The following ZNF708 variants were observed in gnomAD, a reference collection of about 807,000 sequenced individuals.
ZNF708 encodes the protein zinc finger protein 708, also known as ZNF15, ZNF15L1.
A neutral mutation model predicts 47.0 loss-of-function variants in ZNF708; 44 were observed. The observed-to-expected ratio is 0.94, with a 90% CI of 0.74 to 1.20. The LOEUF (loss-of-function observed/expected upper bound fraction) is 1.20. Ranked by LOEUF, ZNF708 falls within the 50% of genes most tolerant of loss-of-function variation. The pLI is 0.00. For missense variants in ZNF708, 557 were observed against 656.0 expected, an observed-to-expected ratio of 0.85 and a Z score of 1.65; for synonymous variants, 184 against 218.5, an observed-to-expected ratio of 0.84 and a Z score of 1.39.
Position 21,293,948 on chromosome 19 carries a change from C to A in ZNF708, c.1018G>T (p.Glu340Ter). 6.2e-7 allele frequency: 1 copy of A among 1,613,402 alleles called. No individual in the cohort carries two copies. Among genetic ancestry groups the A allele is most frequent in the Non-Finnish European group, 8.5e-7 (1 of 1,179,842 alleles). The change falls in exon 4 of 4, where the codon GAA (glutamate) becomes TAA (stop). Residue 340 changes from glutamate (E) to a stop codon, truncating the protein, a stop_gained. Transcript: ENST00000356929. LOFTEE classifies it high-confidence loss of function. The stretch of plus-strand genomic sequence containing the variant: ...AATACACTAAAAGCTTTGCCACATT[C>A]TTCACATTTGTAGGGTTTCTCACCA... ...HTGEKPYKCE[E>*]CGKAFSVFST...
rs993910803 is a variant in ZNF708, at chr19:21,329,360, G to A, written c.-148C>T. The A allele has an allele frequency of 1.5e-6, 2 of 1,312,706 alleles. No homozygotes were observed. The allele number at this position is 1,312,706 out of a possible 1,614,324, so 81.3% of individuals were successfully genotyped here. On this transcript the variant is annotated 5_prime_UTR_variant, in exon 1 of 4. Transcript: ENST00000356929. ...GCTCCGGCTGCAGCAAGAGACAAAG[G>A]CCGCGCCAAACCCGGAAGCCGCCCT... is the stretch of plus-strand genomic sequence containing the variant.
chr19:21,329,285 G>A lies in ZNF708; in HGVS notation c.-73C>T, dbSNP rs1314664184. On this transcript the variant is annotated 5_prime_UTR_variant, in exon 1 of 4. Coordinates refer to ENST00000356929, the MANE Select transcript of ZNF708 (RefSeq NM_021269.3). ...TACCTGCAGGTCACAGAGCCACAGAGTCTGGGCCTCTAGGAGCAGAGGACA... is the reference window on the plus strand; with the variant it reads ...TACCTGCAGGTCACAGAGCCACAGAATCTGGGCCTCTAGGAGCAGAGGACA... 6.9e-6 allele frequency: 11 copies of A among 1,597,142 alleles called. No individual in the cohort carries two copies. The highest frequency in any genetic ancestry group is 2.7e-5 in the African/African-American group (2 of 74,490).
chr19:21,319,233 T>C (rs374361580), intron 1 of ZNF708, among the ~76,000 whole-genome samples: 2 of 152,274 alleles, frequency 1.3e-5, no homozygotes, highest in East Asian at 3.9e-4. Context: ...TCTTAATAAA[T>C]AGAAACCAAA....
In ZNF708 at chr19:21,293,248, G is replaced by A. The variant is rs181100343; in HGVS notation, c.*26C>T. On this transcript the variant is annotated 3_prime_UTR_variant, in exon 4 of 4. Transcript: ENST00000356929. ...ATTATCTTGTGTTTTAATAAAAGTT[G>A]AAAATACACTAAAGGATTTGACACA... is the stretch of plus-strand genomic sequence containing the variant. 7.8e-4 allele frequency: 1,233 copies of A among 1,579,168 alleles called. 8 individuals carry two copies. The African/African-American group carries it at 0.016, about 20-fold the overall frequency.
At chr19:21,322,931 A>G (rs1973181878) in intron 1 of ZNF708, among the ~76,000 whole-genome samples, 1 of 152,138 alleles carries the variant, frequency 6.6e-6, no homozygotes, top group Non-Finnish European at 1.5e-5. Flanking sequence ...TACATTTCTG[A>G]GCTACTGTTT....
chr19:21,297,960 AGTGTGT>A (rs66590988), intron 3 of ZNF708, among the ~76,000 whole-genome samples: 4,144 of 149,526 alleles, frequency 0.028, 143 homozygotes, highest in African/African-American at 0.079. Context: ...ACAAATGACT[AGTGTGT>A]GTGTGTGTGT....
intron 3 of ZNF708, among the ~76,000 whole-genome samples, chr19:21,308,810 T>C (rs188459024): frequency 6.6e-6 from 1 of 152,118 alleles, no homozygotes; most frequent in East Asian, 1.9e-4. Flanking sequence ...AAGCCTGTAG[T>C]AATACAAATA....
intron 3 of ZNF708, among the ~76,000 whole-genome samples, chr19:21,299,904 T>A (rs1280451909): frequency 6.6e-6 from 1 of 152,072 alleles, no homozygotes; most frequent in African/African-American, 2.4e-5. Flanking sequence ...ATAATAGAGA[T>A]TCACAAATAA....
At chr19:21,311,950 C>T in intron 1 of ZNF708, among the ~76,000 whole-genome samples, 1 of 152,014 alleles carries the variant, frequency 6.6e-6, no homozygotes, top group East Asian at 1.9e-4. Flanking sequence ...GTATCTGAAC[C>T]CCTCATACTC....
chr19:21,310,758 A>T, intron 1 of ZNF708, 131 bp from the exon 2 acceptor site: 3 of 672,164 alleles, frequency 4.5e-6, no homozygotes, highest in Non-Finnish European at 6.5e-6. Flanking sequence ...TTATCCAATA[A>T]AATAATTTTC....
chr19:21,327,733 C>G (rs1973291685), intron 1 of ZNF708, among the ~76,000 whole-genome samples: 1 of 150,404 alleles, frequency 6.6e-6, no homozygotes, highest in African/African-American at 2.4e-5. Flanking sequence ...TTTTTTTTTT[C>G]CACAAAATTT....
At chr19:21,313,862 TA>T (rs1490973636) in intron 1 of ZNF708, among the ~76,000 whole-genome samples, 2 of 152,114 alleles carry the variant, frequency 1.3e-5, no homozygotes, top group African/African-American at 4.8e-5. Context: ...ACTGGGTTTA[TA>T]TTTACTTTTT....
At chr19:21,311,695 A>G (rs501647) in intron 1 of ZNF708, among the ~76,000 whole-genome samples, 32,281 of 152,118 alleles carry the variant, frequency 0.21, 3,578 homozygotes, top group Non-Finnish European at 0.24. Context: ...AGACTTGCAG[A>G]AAAAGTCCAC....
chr19:21,291,249 T>C lies in ZNF708; in HGVS notation c.*2025A>G, dbSNP rs1243608888. 1 of 152,142 alleles carries C rather than the reference T, an allele frequency of 6.6e-6. No individual in the cohort carries two copies. The highest frequency in any genetic ancestry group is 2.4e-5 in the African/African-American group (1 of 41,448). The allele number at this position is 152,142 out of a possible 1,614,324, so 9.4% of individuals were successfully genotyped here. The stretch of plus-strand genomic sequence containing the variant: ...TTTTTTAATTTTAACAAAACTTAAA[T>C]GTTCTTACTATAATGCAAAAGAATA... On this transcript the variant is annotated 3_prime_UTR_variant, in exon 4 of 4. Coordinates refer to ENST00000356929, the MANE Select transcript of ZNF708 (RefSeq NM_021269.3).
intron 1 of ZNF708, among the ~76,000 whole-genome samples, chr19:21,328,339 A>C (rs1299681520): frequency 6.6e-6 from 1 of 152,224 alleles, no homozygotes; most frequent in Non-Finnish European, 1.5e-5. Flanking sequence ...AGTATCAAAA[A>C]TGTACACTAA....
At chr19:21,298,695 T>C (rs556856244) in intron 3 of ZNF708, among the ~76,000 whole-genome samples, 1 of 152,238 alleles carries the variant, frequency 6.6e-6, no homozygotes, top group South Asian at 2.1e-4. Flanking sequence ...GATAAGAAAG[T>C]AGACTAATAA....
Position 21,294,522 on chromosome 19 carries a change from G to T in ZNF708, c.444C>A (p.Val148=). ...TCTTTGCATTTGAATATTTATGAAA[G>T]ACTTTCACGTATTTGTCACACTGAA... is the stretch of plus-strand genomic sequence containing the variant. ...KIVQCDKYVK[V]FHKYSNAKRH... The change falls in exon 4 of 4, where the codon GTC becomes GTA. Residue 148 remains valine (V), a synonymous_variant. Transcript: ENST00000356929. 6.2e-7 allele frequency: 1 copy of T among 1,614,122 alleles called. No homozygotes were observed. The highest frequency in any genetic ancestry group is 1.6e-4 in the Middle Eastern group (1 of 6,062).
Position 21,294,689 on chromosome 19 carries a change from T to G in ZNF708, c.277A>C (p.Asn93His). ...CTCAGTATCACTTGTTGGAAAGAAT[T>G]TTTTATATATTGCTCTGGCCTAAGG... The part of the protein sequence containing the change: ...KDLRPEQYIK[N>H]SFQQVILRRY... The change falls in exon 4 of 4, where the codon AAT becomes CAT. Residue 93 changes from asparagine to histidine, a missense_variant. Transcript: ENST00000356929. The G allele has an allele frequency of 6.2e-7, 1 of 1,612,256 alleles. No homozygotes were observed. The highest frequency in any genetic ancestry group is 8.5e-7 in the Non-Finnish European group (1 of 1,179,390).
intron 1 of ZNF708, among the ~76,000 whole-genome samples, chr19:21,324,968 C>T (rs565955781): frequency 1.2e-4 from 19 of 152,188 alleles, no homozygotes; most frequent in Non-Finnish European, 2.5e-4. Context: ...AGACATTTCC[C>T]CTATTCTTTT....
Sources: gnomAD v4.1 joint callset for allele counts (sites outside exome capture counted in the v4.1 genomes callset) on GRCh38, gnomAD v4.1.1 for gene constraint, MANE v1.5 for transcripts, NCBI Gene and HGNC (gene_info 2026-07-23, HGNC 2026-07-21) for gene names.